DPY19L1: variants seen among roughly 807,000 people sequenced by gnomAD.
DPY19L1 encodes the protein dpy-19 like C-mannosyltransferase 1, also known as protein C-mannosyl-transferase DPY19L1.
DPY19L1 carries 35 observed loss-of-function variants against 96.9 expected under a neutral mutation model. That is an observed-to-expected ratio of 0.36 (90% CI 0.28 to 0.48). The LOEUF (loss-of-function observed/expected upper bound fraction) is 0.48. Among genes scored for constraint, DPY19L1 ranks in the 20% least tolerant of loss-of-function variants. The pLI, the probability that DPY19L1 is intolerant of heterozygous loss-of-function variation, is 0.99. For synonymous variants in DPY19L1, 205 were observed against 252.6 expected (o/e 0.81, Z 1.79); for missense variants, 521 against 777.9 (o/e 0.67, Z 3.93).
rs1242101867 is a variant in DPY19L1, at chr7:35,000,968, C to G, written c.764+9500G>C. Among the ~76,000 whole-genome samples, 5 of 152,186 alleles carry G rather than the reference C, an allele frequency of 3.3e-5. No homozygotes were observed. The East Asian group carries it at 9.6e-4, about 29-fold the overall frequency. On this transcript the variant is annotated intron_variant, in intron 6 of 21. Coordinates refer to ENST00000638088, the MANE Select transcript of DPY19L1 (RefSeq NM_001366673.1). ...AAATGTATTCTCAGAGACAGTAGAG[C>G]ACACGTTTTGGAGCCACTGTTGGTA...
At position 35,011,607 on chromosome 7, in the gene DPY19L1, T is replaced by C. The variant is rs538469511; in HGVS notation, c.550-157A>G. 2.0e-5 allele frequency among the ~76,000 whole-genome samples: 3 copies of C among 152,256 alleles called. No individual in the cohort carries two copies. The South Asian group carries it at 6.2e-4, about 32-fold the overall frequency. On this transcript the variant is annotated intron_variant, in intron 4 of 21. Coordinates refer to ENST00000638088, the MANE Select transcript of DPY19L1 (RefSeq NM_001366673.1). ...TAGTAAAACAAGGCTCAGAATCTCC[T>C]AGGCAGATTCTTCACTGGTCAGTTT...
chr7:34,965,713 T>A (rs1215077394), intron 10 of DPY19L1, among the ~76,000 whole-genome samples: 2 of 152,156 alleles, frequency 1.3e-5, no homozygotes, highest in South Asian at 4.1e-4. Flanking sequence ...TTATGACAAC[T>A]GTAAAATTAA....
intron 6 of DPY19L1, among the ~76,000 whole-genome samples, chr7:35,003,894 A>C (rs956557691): frequency 1.3e-5 from 2 of 152,180 alleles, no homozygotes; most frequent in African/African-American, 2.4e-5. Flanking sequence ...AGCTCTTCTT[A>C]TATTTGCCTT....
intron 14 of DPY19L1, among the ~76,000 whole-genome samples, chr7:34,949,293 G>T (rs1443472916): frequency 2.0e-5 from 3 of 152,274 alleles, no homozygotes; most frequent in Middle Eastern, 3.4e-3. Flanking sequence ...CACGACGAAT[G>T]AGAGTTGCTT....
At chr7:34,963,015 T>G (rs1784532315) in intron 10 of DPY19L1, among the ~76,000 whole-genome samples, 2 of 151,866 alleles carry the variant, frequency 1.3e-5, no homozygotes, top group South Asian at 4.2e-4. Flanking sequence ...GCCAACATGG[T>G]GAACCCTCAT....
chr7:35,018,371 T>C (rs1288720755), intron 2 of DPY19L1, among the ~76,000 whole-genome samples: 1 of 152,180 alleles, frequency 6.6e-6, no homozygotes, highest in Non-Finnish European at 1.5e-5. Flanking sequence ...GCCTCTTTAA[T>C]AATGAATCTC....
chr7:34,953,350 T>C (rs1201276734), intron 13 of DPY19L1, among the ~76,000 whole-genome samples: 1 of 152,192 alleles, frequency 6.6e-6, no homozygotes, highest in Non-Finnish European at 1.5e-5. Flanking sequence ...AAAATGACAA[T>C]AATAGCTTTA....
rs1282527808 is a variant in DPY19L1 at position 35,035,091 on chromosome 7, AG to A, written c.298+2005del. ...ATGACGGTACAGAGCCAGAGAAAGA[AG>A]CAACCCAGGTCCAATCATTCAGCAG... is the stretch of plus-strand genomic sequence containing the variant. On this transcript the variant is annotated intron_variant, in intron 1 of 21. Coordinates refer to ENST00000638088, the MANE Select transcript of DPY19L1 (RefSeq NM_001366673.1). 1.3e-5 allele frequency among the ~76,000 whole-genome samples: 2 copies of A among 152,234 alleles called. 1 individual carries two copies. Among genetic ancestry groups the A allele is most frequent in the East Asian group, 3.8e-4 (2 of 5,198 alleles).
chr7:35,028,383 G>A (rs1003589653), intron 1 of DPY19L1, among the ~76,000 whole-genome samples: 9 of 152,026 alleles, frequency 5.9e-5, no homozygotes, highest in East Asian at 3.9e-4. Flanking sequence ...ATCCCAAAGC[G>A]GAATATAATT....
At chr7:34,979,306 C>T (rs1784891701) in intron 7 of DPY19L1, among the ~76,000 whole-genome samples, 1 of 152,090 alleles carries the variant, frequency 6.6e-6, no homozygotes, top group Non-Finnish European at 1.5e-5. Context: ...ATAAACTACA[C>T]TGCTCAAGGT....
intron 1 of DPY19L1, among the ~76,000 whole-genome samples, chr7:35,020,921 C>G (rs775343934): frequency 9.2e-5 from 14 of 152,120 alleles, no homozygotes; most frequent in Non-Finnish European, 1.5e-4. Context: ...GTTGGCCAGG[C>G]TTGTCTCAAA....
intron 6 of DPY19L1, among the ~76,000 whole-genome samples, chr7:34,999,428 C>T (rs1262401159): frequency 6.6e-6 from 1 of 152,206 alleles, no homozygotes; most frequent in East Asian, 1.9e-4. Context: ...AAAATTATCT[C>T]TGTGACTCTC....
intron 10 of DPY19L1, among the ~76,000 whole-genome samples, chr7:34,962,227 T>C (rs147973396): frequency 0.012 from 1,845 of 152,292 alleles, 10 homozygotes; most frequent in Middle Eastern, 0.02. Flanking sequence ...TAAACAGTGG[T>C]ACATCCATAT....
chr7:34,932,153 G>A (rs1366161461), intron 21 of DPY19L1, among the ~76,000 whole-genome samples: 5 of 152,192 alleles, frequency 3.3e-5, no homozygotes, highest in Non-Finnish European at 7.3e-5. Flanking sequence ...CATTCACACA[G>A]AAAAACGTAT....
chr7:35,025,751 T>C (rs1191577607), intron 1 of DPY19L1, among the ~76,000 whole-genome samples: 2 of 152,204 alleles, frequency 1.3e-5, no homozygotes, highest in African/African-American at 4.8e-5. Context: ...AAGAGCCAGA[T>C]TTTTCCAGCT....
chr7:35,017,992 T>C lies in DPY19L1; in HGVS notation c.324-23A>G, dbSNP rs777369074. ...CTCCTGGAAAAACAAAACAAAGCAA[T>C]AGTGTTAAAACTTACACTCTAAGTA... On this transcript the variant is annotated intron_variant, in intron 2 of 21. Transcript: ENST00000638088. 20 of 1,549,334 alleles carry C rather than the reference T, an allele frequency of 1.3e-5. No individual in the cohort carries two copies. The Admixed American group carries it at 1.4e-4, about 11-fold the overall frequency.
intron 1 of DPY19L1, among the ~76,000 whole-genome samples, chr7:35,034,339 T>C (rs963222850): frequency 1.3e-5 from 2 of 152,196 alleles, no homozygotes; most frequent in South Asian, 2.1e-4. Flanking sequence ...CTGAGTTGCA[T>C]TGTGGAAGTG....
intron 6 of DPY19L1, among the ~76,000 whole-genome samples, chr7:34,995,053 A>G (rs1189465953): frequency 6.6e-6 from 1 of 152,014 alleles, no homozygotes; most frequent in Non-Finnish European, 1.5e-5. Context: ...TTTTCTATAC[A>G]CTTTTGGGAA....
At chr7:35,002,137 A>C (rs569967130) in intron 6 of DPY19L1, among the ~76,000 whole-genome samples, 32 of 151,464 alleles carry the variant, frequency 2.1e-4, no homozygotes, top group African/African-American at 7.0e-4. Flanking sequence ...AAAAAAAAAA[A>C]AAAAACAAAA....
Sources: allele counts gnomAD v4.1 joint callset (sites outside exome capture counted in the v4.1 genomes callset), GRCh38; gene constraint gnomAD v4.1.1; transcripts MANE v1.5; gene names NCBI Gene and HGNC (gene_info 2026-07-23, HGNC 2026-07-21).